Variants in PKP4 observed in about 807,000 individuals in gnomAD.
PKP4 encodes plakophilin 4, also known as plakophilin-4.
Under a neutral mutation model 145.1 loss-of-function variants are expected in PKP4, and 90 were observed. That is an observed-to-expected ratio of 0.62 (90% CI 0.52 to 0.74). The LOEUF is 0.74. Ranked by LOEUF, PKP4 falls within the 30% of genes least tolerant of loss-of-function variation. The probability of loss-of-function intolerance (pLI) is 0.00; values close to 1 mark genes in which losing one functional copy is unlikely to be tolerated. For synonymous variants in PKP4, 563 were observed against 577.2 expected (o/e 0.98, Z 0.35); for missense variants, 1,340 against 1,482.7 (o/e 0.90, Z 1.58).
intron 2 of PKP4, among the ~76,000 whole-genome samples, chr2:158,554,416 A>AATT (rs148689402): frequency 0.08 from 11,041 of 137,654 alleles, 554 homozygotes; most frequent in Non-Finnish European, 0.098. Flanking sequence ...ACTCAGAAAT[A>AATT]ATTATTATTA....
chr2:158,610,925 A>G (rs2051090421), intron 4 of PKP4, among the ~76,000 whole-genome samples: 1 of 152,158 alleles, frequency 6.6e-6, no homozygotes, highest in South Asian at 2.1e-4. Context: ...CATTCTTTTT[A>G]ACACTGCTGT....
At chr2:158,652,811 TCATGACA>T (rs1442686115) in intron 11 of PKP4, among the ~76,000 whole-genome samples, 1 of 152,158 alleles carries the variant, frequency 6.6e-6, no homozygotes, top group Non-Finnish European at 1.5e-5. Context: ...TAGCCACTGG[TCATGACA>T]CTTGCTTTGT....
intron 11 of PKP4, among the ~76,000 whole-genome samples, chr2:158,650,037 T>G (rs1270104124): frequency 6.6e-6 from 1 of 152,172 alleles, no homozygotes; most frequent in Non-Finnish European, 1.5e-5. Flanking sequence ...CTTGGGCAAA[T>G]CTCTATGATA....
intron 2 of PKP4, among the ~76,000 whole-genome samples, chr2:158,553,929 C>T (rs2045847444): frequency 6.6e-6 from 1 of 151,978 alleles, no homozygotes; most frequent in African/African-American, 2.4e-5. Context: ...GAGATTTGAC[C>T]CTTCTAGTTG....
chr2:158,530,691 A>G (rs1034221831), intron 1 of PKP4, among the ~76,000 whole-genome samples: 1 of 151,664 alleles, frequency 6.6e-6, no homozygotes, highest in Admixed American at 6.6e-5. Flanking sequence ...CCCCTGCCCC[A>G]TGTTGGTTGT....
intron 1 of PKP4, among the ~76,000 whole-genome samples, chr2:158,512,003 G>T (rs2041562201): frequency 6.6e-6 from 1 of 152,148 alleles, no homozygotes; most frequent in Non-Finnish European, 1.5e-5. Flanking sequence ...GGTATATCTT[G>T]TCTAGAGAGT....
chr2:158,663,573 G>T, intron 15 of PKP4, 128 bp downstream of exon 15: 1 of 755,088 alleles, frequency 1.3e-6, no homozygotes, highest in Admixed American at 2.8e-5. Flanking sequence ...CTTAGCTTGT[G>T]TGTGAAGGGG....
chr2:158,671,621 G>GTACT (rs1197342175), intron 17 of PKP4, among the ~76,000 whole-genome samples: 1 of 152,152 alleles, frequency 6.6e-6, no homozygotes, highest in Non-Finnish European at 1.5e-5. Context: ...TCTTTCACAA[G>GTACT]TACTTACTGC....
At chr2:158,543,332 C>T (rs973161132) in intron 2 of PKP4, among the ~76,000 whole-genome samples, 8 of 152,078 alleles carry the variant, frequency 5.3e-5, no homozygotes, top group East Asian at 1.9e-4. Context: ...TAGATATGCA[C>T]ATTTGGTTAC....
At chr2:158,651,958 C>T (rs1313378717) in intron 11 of PKP4, among the ~76,000 whole-genome samples, 1 of 152,046 alleles carries the variant, frequency 6.6e-6, no homozygotes, top group Non-Finnish European at 1.5e-5. Flanking sequence ...GTGGTAAGGC[C>T]CCCCTGAGAA....
chr2:158,493,401 T>A (rs918231831), intron 1 of PKP4, among the ~76,000 whole-genome samples: 6 of 152,236 alleles, frequency 3.9e-5, no homozygotes, highest in Non-Finnish European at 2.9e-5. Context: ...TTCCATTTCC[T>A]TAACTTCGTT....
intron 1 of PKP4, among the ~76,000 whole-genome samples, chr2:158,483,975 G>C (rs1000442973): frequency 2.7e-5 from 4 of 150,442 alleles, no homozygotes; most frequent in African/African-American, 9.8e-5. Context: ...TTGTGTGTGT[G>C]TATACATTAA....
chr2:158,468,793 A>C (rs1691081937), intron 1 of PKP4, among the ~76,000 whole-genome samples: 1 of 84,400 alleles, frequency 1.2e-5, no homozygotes, highest in Non-Finnish European at 2.6e-5. Context: ...TTTTTTTGAG[A>C]CAGGGTCTCA....
At chr2:158,618,709 T>C (rs1199676789) in intron 4 of PKP4, among the ~76,000 whole-genome samples, 1 of 152,084 alleles carries the variant, frequency 6.6e-6, no homozygotes, top group African/African-American at 2.4e-5. Flanking sequence ...GAGCTACAAT[T>C]TTTAGGGTAT....
intron 1 of PKP4, among the ~76,000 whole-genome samples, chr2:158,507,265 T>G (rs1285052162): frequency 5.3e-5 from 8 of 152,232 alleles, no homozygotes. Flanking sequence ...TGTTTCTGGG[T>G]GTTTTTCACT....
chr2:158,551,975 C>A (rs528047624), intron 2 of PKP4, among the ~76,000 whole-genome samples: 1 of 152,148 alleles, frequency 6.6e-6, no homozygotes, highest in Admixed American at 6.5e-5. Flanking sequence ...ATTATCCCAA[C>A]GCTTGGAGCC....
Position 158,577,376 on chromosome 2 carries a change from A to C in PKP4, c.238A>C (p.Ser80Arg). The C allele has an allele frequency of 1.2e-6, 2 of 1,608,552 alleles. No individual in the cohort carries two copies. Among genetic ancestry groups the C allele is most frequent in the Non-Finnish European group, 1.7e-6 (2 of 1,175,602 alleles). Reference protein sequence around the residue: ...RLGAESPSIASTSSTEKSFPW... With the variant: ...RLGAESPSIARTSSTEKSFPW... Reference sequence around the variant, plus strand: ...TGGAGCAGAATCACCAAGCATCGCCAGCACCAGGTACAGGGCCAATGGCTC... The same window carrying C: ...TGGAGCAGAATCACCAAGCATCGCCCGCACCAGGTACAGGGCCAATGGCTC... The change falls in exon 3 of 22, where the codon AGC (serine) becomes CGC (arginine). Residue 80 changes from serine (S) to arginine (R), a missense_variant. Physicochemically the swap from Ser to Arg is moderately radical, Grantham distance 110. Coordinates refer to ENST00000389759, the MANE Select transcript of PKP4 (RefSeq NM_003628.6).
At chr2:158,532,106 G>A (rs1304557866) in intron 1 of PKP4, among the ~76,000 whole-genome samples, 1 of 152,128 alleles carries the variant, frequency 6.6e-6, no homozygotes, top group Non-Finnish European at 1.5e-5. Context: ...TTGAGGGAAT[G>A]GGGTAACAAG....
intron 3 of PKP4, among the ~76,000 whole-genome samples, chr2:158,582,074 G>A (rs1461809706): frequency 6.6e-6 from 1 of 152,166 alleles, no homozygotes; most frequent in Non-Finnish European, 1.5e-5. Flanking sequence ...AAGCCCTGAA[G>A]GTGGGTTATG....
Sources: gnomAD v4.1 joint callset for allele counts (sites outside exome capture counted in the v4.1 genomes callset) on GRCh38, gnomAD v4.1.1 for gene constraint, MANE v1.5 for transcripts, NCBI Gene and HGNC (gene_info 2026-07-23, HGNC 2026-07-21) for gene names.